The following MAPK10 variants were observed in gnomAD, a reference collection of about 807,000 sequenced individuals.
MAPK10 encodes the protein JNK3 alpha protein kinase.
A neutral mutation model predicts 59.3 loss-of-function variants in MAPK10; 25 were observed. That is an observed-to-expected ratio of 0.42 (90% CI 0.31 to 0.59). The LOEUF is 0.59. Ranked by LOEUF, MAPK10 falls within the 20% of genes least tolerant of loss-of-function variation. MAPK10 has a pLI of 0.15. For missense variants in MAPK10, 351 were observed against 568.9 expected (o/e 0.62, Z 3.90); for synonymous variants, 190 against 200.5 (o/e 0.95, Z 0.44).
At chr4:86,282,571 C>T (rs1321603246) in intron 2 of MAPK10, among the ~76,000 whole-genome samples, 1 of 152,112 alleles carries the variant, frequency 6.6e-6, no homozygotes, top group Non-Finnish European at 1.5e-5. Flanking sequence ...AAGGTAAATA[C>T]AGATTTTGGA....
intron 10 of MAPK10, among the ~76,000 whole-genome samples, chr4:86,067,194 T>C (rs1307958296): frequency 1.3e-5 from 2 of 152,172 alleles, no homozygotes; most frequent in Admixed American, 6.5e-5. Context: ...TAGGCTGGAA[T>C]GCAGTTGCCC....
intron 10 of MAPK10, chr4:86,065,386 G>A (rs2046540312): frequency 6.6e-6 from 1 of 152,136 alleles, no homozygotes; most frequent in African/African-American, 2.4e-5. Context: ...TGCTACACCA[G>A]ACACTAATGA....
chr4:86,550,166 A>C (rs190558918), intron 1 of MAPK10, among the ~76,000 whole-genome samples: 22 of 151,836 alleles, frequency 1.4e-4, no homozygotes, highest in Admixed American at 9.2e-4. Context: ...CATTCAGGAC[A>C]TGGAAGCACA....
At chr4:86,050,777 C>T (rs912957688) in intron 11 of MAPK10, among the ~76,000 whole-genome samples, 3 of 152,000 alleles carry the variant, frequency 2.0e-5, no homozygotes. Flanking sequence ...GCAGGCCTAC[C>T]TCAGAAAAAG....
chr4:86,019,240 T>C (rs1212648429), intron 13 of MAPK10, among the ~76,000 whole-genome samples: 1 of 152,238 alleles, frequency 6.6e-6, no homozygotes, highest in Non-Finnish European at 1.5e-5. Context: ...CTGGTCGTGA[T>C]CTTTTAATAT....
intron 1 of MAPK10, among the ~76,000 whole-genome samples, chr4:86,451,447 T>A (rs1750709305): frequency 6.6e-6 from 1 of 152,222 alleles, no homozygotes; most frequent in African/African-American, 2.4e-5. Flanking sequence ...AATATTTATA[T>A]GACATATTAT....
Position 86,014,863 on chromosome 4 carries a change from AC to A in MAPK10, c.*2364del, listed in dbSNP as rs1364345333. 2.0e-5 allele frequency: 3 copies of A among 151,906 alleles called. No homozygotes were observed. Among genetic ancestry groups the A allele is most frequent in the African/African-American group, 7.3e-5 (3 of 41,320 alleles). 9.4% of individuals were successfully genotyped at this position (151,906 alleles called of 1,614,324 possible). A position where few individuals can be genotyped will look rare whatever the true frequency, so the allele number is the denominator to read the frequency against. The stretch of plus-strand genomic sequence containing the variant: ...TGCGGCTGATGAAATTCCCCTTGAG[AC>A]TCTCTTTAAAGCAGCTTCCTGCTCT... On this transcript the variant is annotated 3_prime_UTR_variant, in exon 14 of 14. Coordinates refer to ENST00000641462, the MANE Select transcript of MAPK10 (RefSeq NM_138982.4).
chr4:86,337,790 TAGCA>T (rs1722411263), intron 2 of MAPK10, among the ~76,000 whole-genome samples: 1 of 152,202 alleles, frequency 6.6e-6, no homozygotes, highest in South Asian at 2.1e-4. Flanking sequence ...ATTCCCTACC[TAGCA>T]CTCAAGGCTC....
intron 2 of MAPK10, among the ~76,000 whole-genome samples, chr4:86,221,316 G>A (rs1236180791): frequency 6.6e-6 from 1 of 152,068 alleles, no homozygotes; most frequent in Non-Finnish European, 1.5e-5. Context: ...AATGTGGGAG[G>A]AAAAAGCCAC....
chr4:86,536,627 T>C (rs1171346435), intron 1 of MAPK10, among the ~76,000 whole-genome samples: 1 of 152,248 alleles, frequency 6.6e-6, no homozygotes, highest in Non-Finnish European at 1.5e-5. Flanking sequence ...TTTCCTCAGG[T>C]TGTCTTTCTA....
chr4:86,028,823 A>G (rs1751672009), intron 13 of MAPK10: 1 of 288,276 alleles, frequency 3.5e-6, no homozygotes, highest in Non-Finnish European at 6.8e-6. Flanking sequence ...CTAAGAATGA[A>G]TGAGGGAAGA....
chr4:86,210,307 A>C (rs1218113361), intron 2 of MAPK10, among the ~76,000 whole-genome samples: 1 of 152,078 alleles, frequency 6.6e-6, no homozygotes, highest in African/African-American at 2.4e-5. Context: ...CTCCACAGCA[A>C]AGGAAACAGT....
At chr4:86,432,624 G>A (rs1358383669) in intron 1 of MAPK10, among the ~76,000 whole-genome samples, 1 of 152,162 alleles carries the variant, frequency 6.6e-6, no homozygotes, top group African/African-American at 2.4e-5. Flanking sequence ...TCAGAAAACA[G>A]ACTCTAAGAT....
chr4:86,488,468 G>A (rs1309250812), intron 1 of MAPK10, among the ~76,000 whole-genome samples: 6 of 152,156 alleles, frequency 3.9e-5, no homozygotes, highest in Non-Finnish European at 8.8e-5. Flanking sequence ...TATTGGGAGG[G>A]TAATATCAGA....
intron 2 of MAPK10, among the ~76,000 whole-genome samples, chr4:86,275,865 T>C (rs1481693982): frequency 6.6e-6 from 1 of 152,110 alleles, no homozygotes; most frequent in East Asian, 1.9e-4. Flanking sequence ...ACTTTATTTA[T>C]ATTTGATTTG....
chr4:86,180,683 A>T (rs527558283), intron 3 of MAPK10, among the ~76,000 whole-genome samples: 6 of 151,998 alleles, frequency 3.9e-5, no homozygotes, highest in African/African-American at 1.4e-4. Flanking sequence ...GAGAAATGAA[A>T]TCCTGTCATT....
At chr4:86,297,941 TCTC>T (rs890350012) in intron 2 of MAPK10, among the ~76,000 whole-genome samples, 14 of 152,298 alleles carry the variant, frequency 9.2e-5, no homozygotes, top group Admixed American at 5.9e-4. Context: ...ATGGCTGACA[TCTC>T]CTCACCTCCA....
chr4:86,421,951 C>G (rs1252156602), intron 1 of MAPK10, among the ~76,000 whole-genome samples: 1 of 152,162 alleles, frequency 6.6e-6, no homozygotes, highest in Non-Finnish European at 1.5e-5. Context: ...TCACTGTACT[C>G]CAGCCTCACT....
At chr4:86,050,876 A>G (rs1190592304) in intron 11 of MAPK10, among the ~76,000 whole-genome samples, 1 of 152,182 alleles carries the variant, frequency 6.6e-6, no homozygotes, top group Non-Finnish European at 1.5e-5. Flanking sequence ...ACGCTAACTT[A>G]GTCAAAAACA....
Sources: allele counts gnomAD v4.1 joint callset (sites outside exome capture counted in the v4.1 genomes callset), GRCh38; gene constraint gnomAD v4.1.1; transcripts MANE v1.5; gene names NCBI Gene and HGNC (gene_info 2026-07-23, HGNC 2026-07-21).